PDIA5: variants seen among roughly 807,000 people sequenced by gnomAD.
PDIA5 encodes protein disulfide-isomerase A5.
PDIA5 carries 58 observed loss-of-function variants against 77.6 expected under a neutral mutation model. The observed-to-expected ratio is 0.75, with a 90% CI of 0.61 to 0.93. PDIA5 has a LOEUF of 0.93. PDIA5 is among the 40% of genes least tolerant of loss of function. PDIA5 has a pLI of 0.00. For missense variants in PDIA5, 630 were observed against 647.7 expected (o/e 0.97, Z 0.30); for synonymous variants, 250 against 252.1 (o/e 0.99, Z 0.08).
chr3:123,147,020 A>G (rs1035417597), intron 13 of PDIA5, among the ~76,000 whole-genome samples: 1 of 152,288 alleles, frequency 6.6e-6, no homozygotes, highest in Admixed American at 6.5e-5. Context: ...CATGTTGCCC[A>G]GGCTGGTCTC....
chr3:123,099,543 G>A (rs560974743), intron 3 of PDIA5, among the ~76,000 whole-genome samples: 2 of 152,286 alleles, frequency 1.3e-5, no homozygotes, highest in African/African-American at 4.8e-5. Flanking sequence ...AAAGAAGGTG[G>A]CACAGAGTCT....
In PDIA5 at chr3:123,067,163, G is replaced by T; in HGVS notation, c.-2G>T. On this transcript the variant is annotated 5_prime_UTR_variant, in exon 1 of 17. Coordinates refer to ENST00000316218, the MANE Select transcript of PDIA5 (RefSeq NM_006810.4). The stretch of plus-strand genomic sequence containing the variant: ...GAGCCAGCGGTGGGCAGCGCTGCTG[G>T]GATGGCGCGGGCCGGGCCGGCGTGG... The T allele has an allele frequency of 8.0e-7, 1 of 1,246,774 alleles. No homozygotes were observed. 77.2% of individuals were successfully genotyped at this position (1,246,774 alleles called of 1,614,324 possible).
chr3:123,116,363 A>T (rs836840), intron 8 of PDIA5, 65 bp downstream of exon 8: 2 of 1,227,772 alleles, frequency 1.6e-6, no homozygotes, highest in East Asian at 2.3e-5. Flanking sequence ...GAAGGGTGCC[A>T]GGGGTGGGGT....
intron 1 of PDIA5, among the ~76,000 whole-genome samples, chr3:123,080,660 AT>A (rs1933974986): frequency 6.6e-6 from 1 of 152,196 alleles, no homozygotes. Flanking sequence ...TTAATGCATG[AT>A]TTGGTGCTTG....
intron 7 of PDIA5, among the ~76,000 whole-genome samples, chr3:123,113,594 C>T (rs1298102395): frequency 1.3e-5 from 2 of 152,182 alleles, no homozygotes; most frequent in Admixed American, 6.5e-5. Context: ...TTTGATTATG[C>T]ACGTGTGTAT....
At chr3:123,076,190 T>G (rs1576431487) in intron 1 of PDIA5, among the ~76,000 whole-genome samples, 1 of 152,254 alleles carries the variant, frequency 6.6e-6, no homozygotes, top group East Asian at 1.9e-4. Flanking sequence ...TCCAGGGATG[T>G]CTGTGGGAAC....
rs562990703 is a variant in PDIA5 at position 123,077,241 on chromosome 3, T to C, written c.42+10035T>C. 1.2e-4 allele frequency among the ~76,000 whole-genome samples: 18 copies of C among 152,318 alleles called. No homozygotes were observed. In the South Asian group the frequency reaches 3.5e-3, roughly 30 times the overall value. ...TTAACTCCCCTTAGTCTCAGTTTCT[T>C]TATCTATAAAATGGGAATAATAAAA... is the stretch of plus-strand genomic sequence containing the variant. On this transcript the variant is annotated intron_variant, in intron 1 of 16. Coordinates refer to ENST00000316218, the MANE Select transcript of PDIA5 (RefSeq NM_006810.4).
intron 11 of PDIA5, among the ~76,000 whole-genome samples, chr3:123,133,603 T>G (rs1046554314): frequency 6.6e-6 from 1 of 152,250 alleles, no homozygotes; most frequent in African/African-American, 2.4e-5. Flanking sequence ...AAGCATCCCC[T>G]GGATACATTG....
chr3:123,092,342 T>C lies in PDIA5; in HGVS notation c.170-13T>C. On this transcript the variant is annotated splice_polypyrimidine_tract_variant and intron_variant, in intron 2 of 16. Coordinates refer to ENST00000316218, the MANE Select transcript of PDIA5 (RefSeq NM_006810.4). ...TGGTCACAGATGTTTAATTTTTTGTTTTTTTTTTACAGAGGTGGCAGCTGA... is the reference window on the plus strand; with the variant it reads ...TGGTCACAGATGTTTAATTTTTTGTCTTTTTTTTACAGAGGTGGCAGCTGA... 1 of 1,608,992 alleles carries C rather than the reference T, an allele frequency of 6.2e-7. No individual in the cohort carries two copies. The highest frequency in any genetic ancestry group is 8.5e-7 in the Non-Finnish European group (1 of 1,176,240).
At chr3:123,123,196 G>A (rs1407876946) in intron 8 of PDIA5, among the ~76,000 whole-genome samples, 1 of 152,218 alleles carries the variant, frequency 6.6e-6, no homozygotes, top group Non-Finnish European at 1.5e-5. Flanking sequence ...AGGATTGCTT[G>A]AGCCCAGGAG....
rs181631594 is a variant in PDIA5, at chr3:123,077,501, C to G, written c.42+10295C>G. ...GTTAGCCCCCTTGGCTGCCACTAGC[C>G]GAGGGTCTCACATCCCAGGGCCAGC... On this transcript the variant is annotated intron_variant, in intron 1 of 16. Coordinates refer to ENST00000316218, the MANE Select transcript of PDIA5 (RefSeq NM_006810.4). Among the ~76,000 whole-genome samples, 552 of 151,886 alleles carry G rather than the reference C, an allele frequency of 3.6e-3. 5 individuals carry two copies. Among genetic ancestry groups the G allele is most frequent in the African/African-American group, 9.4e-3 (390 of 41,436 alleles).
chr3:123,140,689 G>A (rs1433135760), intron 11 of PDIA5, among the ~76,000 whole-genome samples: 2 of 152,134 alleles, frequency 1.3e-5, no homozygotes. Flanking sequence ...ACAATTTCTG[G>A]CACTGTAAAA....
At chr3:123,116,433 C>A (rs115168421) in intron 8 of PDIA5, 135 bp downstream of exon 8, 5 of 676,830 alleles carry the variant, frequency 7.4e-6, no homozygotes, top group Non-Finnish European at 1.3e-5. Flanking sequence ...GTTGCTGAAT[C>A]GCAGCCTTGC....
intron 1 of PDIA5, among the ~76,000 whole-genome samples, chr3:123,082,317 G>A (rs1236028778): frequency 6.6e-6 from 1 of 152,056 alleles, no homozygotes; most frequent in Non-Finnish European, 1.5e-5. Context: ...CTGGAGTCGG[G>A]AGGCCCAAGT....
chr3:123,072,912 C>CTGTG (rs66567660), intron 1 of PDIA5, among the ~76,000 whole-genome samples: 3,048 of 146,908 alleles, frequency 0.021, 96 homozygotes, highest in African/African-American at 0.071. Flanking sequence ...ACCTCTCCTT[C>CTGTG]TGTGTGTGTG....
chr3:123,086,612 C>T (rs1370329863), intron 1 of PDIA5, among the ~76,000 whole-genome samples: 1 of 152,182 alleles, frequency 6.6e-6, no homozygotes, highest in African/African-American at 2.4e-5. Context: ...GACCATGTTC[C>T]TCCATGAGCT....
chr3:123,135,798 T>G (rs1175166654), intron 11 of PDIA5, among the ~76,000 whole-genome samples: 6 of 150,344 alleles, frequency 4.0e-5, no homozygotes, highest in Non-Finnish European at 8.9e-5. Flanking sequence ...GCTAGTCTTT[T>G]TCATTTTTTT....
At chr3:123,096,070 C>A (rs748504119) in intron 3 of PDIA5, among the ~76,000 whole-genome samples, 1 of 152,104 alleles carries the variant, frequency 6.6e-6, no homozygotes, top group Non-Finnish European at 1.5e-5. Context: ...CCCCATTCCC[C>A]ATTTTGGAAG....
chr3:123,121,051 G>A (rs73856834), intron 8 of PDIA5, among the ~76,000 whole-genome samples: 2,381 of 152,266 alleles, frequency 0.016, 60 homozygotes, highest in African/African-American at 0.052. Context: ...ATACAGTCCC[G>A]ATTTCTTAGG....
Sources: gnomAD v4.1 joint callset for allele counts (sites outside exome capture counted in the v4.1 genomes callset) on GRCh38, gnomAD v4.1.1 for gene constraint, MANE v1.5 for transcripts, NCBI Gene and HGNC (gene_info 2026-07-23, HGNC 2026-07-21) for gene names.